The following RNF216 variants were observed in gnomAD, a reference collection of about 807,000 sequenced individuals.
RNF216 encodes ring finger protein 216, also known as E3 ubiquitin-protein ligase RNF216.
In RNF216, 72 loss-of-function variants were observed where a neutral mutation model predicts 110.8. The observed-to-expected ratio is 0.65, with a 90% CI of 0.54 to 0.79. The LOEUF (loss-of-function observed/expected upper bound fraction) is 0.79, where lower values mean the gene tolerates loss of function less well. Ranked by LOEUF, RNF216 falls within the 30% of genes least tolerant of loss-of-function variation. The pLI, the probability that RNF216 is intolerant of heterozygous loss-of-function variation, is 0.00. For synonymous variants in RNF216, 495 were observed against 407.5 expected (o/e 1.21, Z -2.59); for missense variants, 1,342 against 1,141.2 (o/e 1.18, Z -2.54).
rs1290517167 is a variant in RNF216 at position 5,620,112 on chromosome 7, C to T, written c.*2748G>A. Reference sequence around the variant, plus strand: ...ACATATGATACAGGCTTTTTACACACAGTAGTTGAAACGGAATTATTTTAT... The same window carrying T: ...ACATATGATACAGGCTTTTTACACATAGTAGTTGAAACGGAATTATTTTAT... On this transcript the variant is annotated 3_prime_UTR_variant, in exon 17 of 17. Coordinates refer to ENST00000389902, the MANE Select transcript of RNF216 (RefSeq NM_207111.4). 6.6e-6 allele frequency: 1 copy of T among 152,238 alleles called. No individual in the cohort carries two copies. The highest frequency in any genetic ancestry group is 1.5e-5 in the Non-Finnish European group (1 of 68,044). 9.4% of individuals were successfully genotyped at this position (152,238 alleles called of 1,614,324 possible).
At chr7:5,757,276 A>G (rs1314257399) in intron 2 of RNF216, among the ~76,000 whole-genome samples, 1 of 152,054 alleles carries the variant, frequency 6.6e-6, no homozygotes, top group Non-Finnish European at 1.5e-5. Flanking sequence ...ATATTTTCCT[A>G]TCATGTTACT....
chr7:5,691,590 C>A (rs532892415), intron 13 of RNF216, among the ~76,000 whole-genome samples: 1 of 152,110 alleles, frequency 6.6e-6, no homozygotes, highest in African/African-American at 2.4e-5. Flanking sequence ...TAAGTCTATT[C>A]TTTAAAATGC....
chr7:5,715,055 T>C lies in RNF216; in HGVS notation c.1831A>G (p.Lys611Glu). The stretch of plus-strand genomic sequence containing the variant: ...GGGACATATTACACAGTTCTTACCT[T>C]TCCAGATCCAAAGACTGCCTCTTGG... Reference protein sequence around the residue: ...YAQEAVFGSGKLELSCMEGSC... With the variant: ...YAQEAVFGSGELELSCMEGSC... The change falls in exon 11 of 17, where the codon AAG becomes GAG. Residue 611 changes from lysine to glutamate, a missense_variant and splice_region_variant. By Grantham distance (56) the Lys-to-Glu change is moderately conservative (BLOSUM62 1). Coordinates refer to ENST00000389902, the MANE Select transcript of RNF216 (RefSeq NM_207111.4). 2.5e-6 allele frequency: 4 copies of C among 1,612,492 alleles called. No homozygotes were observed. Among genetic ancestry groups the C allele is most frequent in the Non-Finnish European group, 2.5e-6 (3 of 1,179,288 alleles).
chr7:5,657,860 G>C (rs1262051720), intron 13 of RNF216, among the ~76,000 whole-genome samples: 1 of 152,186 alleles, frequency 6.6e-6, no homozygotes, highest in Non-Finnish European at 1.5e-5. Flanking sequence ...TCAAAGCTCA[G>C]GTAGATTCAG....
At chr7:5,668,016 T>C (rs1005443427) in intron 13 of RNF216, among the ~76,000 whole-genome samples, 2 of 152,152 alleles carry the variant, frequency 1.3e-5, no homozygotes, top group Non-Finnish European at 2.9e-5. Context: ...TAGGGCGCTG[T>C]GTAAAGATGG....
intron 13 of RNF216, among the ~76,000 whole-genome samples, chr7:5,681,270 T>C (rs1345677455): frequency 6.6e-6 from 1 of 152,158 alleles, no homozygotes; most frequent in African/African-American, 2.4e-5. Context: ...TCCAAGCAAT[T>C]ACCTAGGGCC....
intron 3 of RNF216, among the ~76,000 whole-genome samples, chr7:5,747,776 G>GAAAAAAAAAAAAAAA (rs1795110181): frequency 4.0e-5 from 1 of 25,140 alleles, no homozygotes; most frequent in African/African-American, 1.5e-4. Flanking sequence ...AAAAAAAAAA[G>GAAAAAAAAAAAAAAA]GGGAAAAAAA....
chr7:5,693,823 T>C (rs1299618999), intron 13 of RNF216, among the ~76,000 whole-genome samples: 4 of 152,150 alleles, frequency 2.6e-5, no homozygotes, highest in Non-Finnish European at 5.9e-5. Flanking sequence ...AGCCCAGGCA[T>C]GCAAAGACAG....
chr7:5,753,737 C>A (rs1795453308), intron 2 of RNF216, among the ~76,000 whole-genome samples: 1 of 152,196 alleles, frequency 6.6e-6, no homozygotes, highest in Non-Finnish European at 1.5e-5. Context: ...TGGCTCACGC[C>A]TGTAATCCCA....
intron 7 of RNF216, among the ~76,000 whole-genome samples, chr7:5,725,801 GACTGCACCACTGC>G (rs746630882): frequency 2.2e-4 from 30 of 136,890 alleles, no homozygotes; most frequent in Admixed American, 4.1e-4. Flanking sequence ...AGTGAGCCGA[GACTGCACCACTGC>G]ACTGCACCAC....
chr7:5,640,143 C>T (rs928524656), intron 15 of RNF216, among the ~76,000 whole-genome samples: 4 of 151,984 alleles, frequency 2.6e-5, no homozygotes, highest in Admixed American at 1.3e-4. Flanking sequence ...AGCGATCCGC[C>T]CACCTTGGCC....
Position 5,712,826 on chromosome 7 carries a change from G to T in RNF216, c.1871C>A (p.Ser624Ter). ...CTTCTCCAGCTCACTGGTTGGGAAC[G>T]AACACGTGCAGCTGCCTTCCATGCA... is the stretch of plus-strand genomic sequence containing the variant. ...LSCMEGSCTC[S>*]FPTSELEKVL... The change falls in exon 12 of 17, where the codon TCG becomes TAG. Residue 624 changes from serine (S) to a stop codon, truncating the protein, a stop_gained. Transcript: ENST00000389902. LOFTEE classifies it high-confidence loss of function. The T allele has an allele frequency of 6.2e-7, 1 of 1,613,834 alleles. No homozygotes were observed. The highest frequency in any genetic ancestry group is 8.5e-7 in the Non-Finnish European group (1 of 1,179,908).
chr7:5,700,396 G>A (rs1247465079), intron 13 of RNF216, among the ~76,000 whole-genome samples: 7 of 152,146 alleles, frequency 4.6e-5, no homozygotes, highest in Non-Finnish European at 8.8e-5. Context: ...GTATTTTGTA[G>A]GTATCAATTC....
intron 15 of RNF216, among the ~76,000 whole-genome samples, chr7:5,640,772 A>G (rs929306912): frequency 6.6e-6 from 1 of 152,238 alleles, no homozygotes; most frequent in African/African-American, 2.4e-5. Context: ...TCTAGATTAT[A>G]AGTGAGTCTC....
chr7:5,651,062 A>G (rs1162493774), intron 14 of RNF216, among the ~76,000 whole-genome samples: 3 of 152,244 alleles, frequency 2.0e-5, no homozygotes, highest in Non-Finnish European at 4.4e-5. Flanking sequence ...AGATATATGT[A>G]TATAATTCCT....
At chr7:5,728,596 A>G (rs1308228143) in intron 7 of RNF216, among the ~76,000 whole-genome samples, 2 of 152,008 alleles carry the variant, frequency 1.3e-5, no homozygotes, top group Non-Finnish European at 2.9e-5. Context: ...AAAAAGAAAA[A>G]GAAAAAGAAA....
At chr7:5,771,580 T>C (rs1191523954) in intron 1 of RNF216, among the ~76,000 whole-genome samples, 1 of 152,104 alleles carries the variant, frequency 6.6e-6, no homozygotes, top group East Asian at 1.9e-4. Flanking sequence ...GCAGATCACT[T>C]GAGCTCAGGA....
chr7:5,739,462 G>A (rs1256536149), intron 4 of RNF216, 110 bp from the exon 5 acceptor site: 24 of 1,080,464 alleles, frequency 2.2e-5, no homozygotes, highest in Non-Finnish European at 2.8e-5. Flanking sequence ...ACTAGAAAAG[G>A]GCTGTGAAGC....
intron 13 of RNF216, among the ~76,000 whole-genome samples, chr7:5,706,563 G>A (rs1168693010): frequency 6.6e-6 from 1 of 152,206 alleles, no homozygotes; most frequent in African/African-American, 2.4e-5. Flanking sequence ...TGTGCCAGGA[G>A]TTCCTTCTTT....
Sources: gnomAD v4.1 joint callset for allele counts (sites outside exome capture counted in the v4.1 genomes callset) on GRCh38, gnomAD v4.1.1 for gene constraint, MANE v1.5 for transcripts, NCBI Gene and HGNC (gene_info 2026-07-23, HGNC 2026-07-21) for gene names.